The following SLC24A4 variants were observed in gnomAD, a reference collection of about 807,000 sequenced individuals.
SLC24A4 encodes solute carrier family 24 member 4, also known as sodium/potassium/calcium exchanger 4.
A neutral mutation model predicts 79.0 loss-of-function variants in SLC24A4; 53 were observed. The ratio of observed to expected loss-of-function variants is 0.67; its 90% confidence interval spans 0.54 to 0.84. The LOEUF is 0.84. SLC24A4 is among the 40% of genes least tolerant of loss of function. The probability of loss-of-function intolerance (pLI) is 0.00; values close to 1 mark genes in which losing one functional copy is unlikely to be tolerated. For synonymous variants in SLC24A4, 323 were observed against 323.8 expected (o/e 1.00, Z 0.03); for missense variants, 731 against 822.0 (o/e 0.89, Z 1.35).
intron 2 of SLC24A4, among the ~76,000 whole-genome samples, chr14:92,372,288 C>T (rs1888213303): frequency 6.6e-6 from 1 of 152,148 alleles, no homozygotes; most frequent in South Asian, 2.1e-4. Context: ...ACTCATCTTC[C>T]ACGCCACCTC....
chr14:92,460,883 G>A (rs1442984929), intron 12 of SLC24A4, among the ~76,000 whole-genome samples: 2 of 152,186 alleles, frequency 1.3e-5, no homozygotes, highest in Non-Finnish European at 2.9e-5. Context: ...ACCCAGCTTC[G>A]GTGCCCACCT....
intron 8 of SLC24A4, 122 bp from the exon 9 acceptor site, chr14:92,447,249 C>G: frequency 1.2e-6 from 1 of 813,432 alleles, no homozygotes; most frequent in Non-Finnish European, 2.0e-6. Flanking sequence ...GGTTCTGGGC[C>G]CGGCACTAGG....
At position 92,498,191 on chromosome 14, in the gene SLC24A4, G is replaced by A. The variant is rs979369471; in HGVS notation, c.*4563G>A. On this transcript the variant is annotated 3_prime_UTR_variant, in exon 17 of 17. Coordinates refer to ENST00000532405, the MANE Select transcript of SLC24A4 (RefSeq NM_153646.4). ...CTCTCTTTATGTGTGTGCACCCGAA[G>A]GATTTCCTGGTCTCTGTAGCTGATC... The A allele has an allele frequency of 6.6e-6, 1 of 152,264 alleles. No homozygotes were observed. The highest frequency in any genetic ancestry group is 1.5e-5 in the Non-Finnish European group (1 of 68,090). The allele number at this position is 152,264 out of a possible 1,614,324, so 9.4% of individuals were successfully genotyped here.
At chr14:92,370,556 A>G (rs368442488) in intron 2 of SLC24A4, among the ~76,000 whole-genome samples, 4 of 152,012 alleles carry the variant, frequency 2.6e-5, no homozygotes. Context: ...ATATGTATAT[A>G]AATTAAACAT....
At chr14:92,385,984 C>G (rs962300267) in intron 2 of SLC24A4, among the ~76,000 whole-genome samples, 1 of 152,028 alleles carries the variant, frequency 6.6e-6, no homozygotes, top group Non-Finnish European at 1.5e-5. Flanking sequence ...ATGGATGGCT[C>G]GATCGCAGGT....
chr14:92,417,377 CAT>C (rs367678435), intron 2 of SLC24A4, among the ~76,000 whole-genome samples: 149 of 152,150 alleles, frequency 9.8e-4, no homozygotes, highest in African/African-American at 3.3e-3. Flanking sequence ...AGAATAAGAA[CAT>C]AAAATATTTT....
At chr14:92,361,004 G>A (rs1226125569) in intron 2 of SLC24A4, among the ~76,000 whole-genome samples, 1 of 152,180 alleles carries the variant, frequency 6.6e-6, no homozygotes, top group Admixed American at 6.5e-5. Flanking sequence ...AAATGAAAGG[G>A]AACAGTTTAA....
chr14:92,441,194 G>A lies in SLC24A4; in HGVS notation c.394-895G>A, dbSNP rs925485455. ...AGGGATACTTTGGGAGTTGGGGCTG[G>A]TGGAGGTGAGCCCTGTCCTGAGAGG... On this transcript the variant is annotated intron_variant, in intron 4 of 16. Transcript: ENST00000532405. This position sits in a 1 kb window ranked among gnomAD's most constrained non-coding sequence, Gnocchi z 4.6. Among the ~76,000 whole-genome samples the A allele has an allele frequency of 1.3e-5, 2 of 152,192 alleles. No homozygotes were observed. Among genetic ancestry groups the A allele is most frequent in the Admixed American group, 6.5e-5 (1 of 15,286 alleles).
intron 2 of SLC24A4, among the ~76,000 whole-genome samples, chr14:92,365,963 G>A (rs547515704): frequency 8.7e-4 from 133 of 152,318 alleles, no homozygotes; most frequent in African/African-American, 3.0e-3. Flanking sequence ...GGTGATGAGA[G>A]CAATATCTTA....
chr14:92,324,516 A>G (rs1322695359), intron 1 of SLC24A4, among the ~76,000 whole-genome samples: 1 of 152,184 alleles, frequency 6.6e-6, no homozygotes, highest in Non-Finnish European at 1.5e-5. Flanking sequence ...CCACGGAGGG[A>G]GAAGGCGGGT....
At position 92,494,817 on chromosome 14, in the gene SLC24A4, C is replaced by T. The variant is rs372808292; in HGVS notation, c.*1189C>T. Reference sequence around the variant, plus strand: ...CTTCTGGAACCACGTAGTTTCTACACGTGGCAGGCCAAGAATGGGAGGCTG... The same window carrying T: ...CTTCTGGAACCACGTAGTTTCTACATGTGGCAGGCCAAGAATGGGAGGCTG... On this transcript the variant is annotated 3_prime_UTR_variant, in exon 17 of 17. Coordinates refer to ENST00000532405, the MANE Select transcript of SLC24A4 (RefSeq NM_153646.4). This position sits in a 1 kb window ranked among gnomAD's most constrained non-coding sequence, Gnocchi z 4.6. 6.6e-6 allele frequency: 1 copy of T among 152,544 alleles called. No individual in the cohort carries two copies. The highest frequency in any genetic ancestry group is 2.4e-5 in the African/African-American group (1 of 41,410). The allele number at this position is 152,544 out of a possible 1,614,324, so 9.4% of individuals were successfully genotyped here. A position where few individuals can be genotyped will look rare whatever the true frequency, so the allele number is the denominator to read the frequency against.
chr14:92,374,175 G>A (rs1288153859), intron 2 of SLC24A4, among the ~76,000 whole-genome samples: 1 of 152,168 alleles, frequency 6.6e-6, no homozygotes, highest in Non-Finnish European at 1.5e-5. Context: ...TGGTTCTGGG[G>A]ACCATTAGGA....
At chr14:92,402,916 C>T (rs746154601) in intron 2 of SLC24A4, among the ~76,000 whole-genome samples, 218 of 152,264 alleles carry the variant, frequency 1.4e-3, no homozygotes, top group Non-Finnish European at 2.4e-3. Flanking sequence ...AGCAGAGAAA[C>T]CCTGAAATCT....
At chr14:92,473,850 GA>G (rs1215137261) in intron 12 of SLC24A4, among the ~76,000 whole-genome samples, 1 of 152,184 alleles carries the variant, frequency 6.6e-6, no homozygotes, top group African/African-American at 2.4e-5. Flanking sequence ...AGTCTGATTA[GA>G]ACTATCCTTG....
Position 92,441,046 on chromosome 14 carries a change from G to A in SLC24A4, c.394-1043G>A, listed in dbSNP as rs1368533509. 6.6e-6 allele frequency among the ~76,000 whole-genome samples: 1 copy of A among 152,072 alleles called. No individual in the cohort carries two copies. The highest frequency in any genetic ancestry group is 2.4e-5 in the African/African-American group (1 of 41,390). Reference sequence around the variant, plus strand: ...GTTAAGGTGGCCGGCTTCTGCCCTGGAGATCGATGCTGTGCCCCCACCCCA... The same window carrying A: ...GTTAAGGTGGCCGGCTTCTGCCCTGAAGATCGATGCTGTGCCCCCACCCCA... On this transcript the variant is annotated intron_variant, in intron 4 of 16. Transcript: ENST00000532405. This position sits in a 1 kb window ranked among gnomAD's most constrained non-coding sequence, Gnocchi z 4.6.
At chr14:92,377,509 T>C (rs776085750) in intron 2 of SLC24A4, among the ~76,000 whole-genome samples, 32 of 151,288 alleles carry the variant, frequency 2.1e-4, no homozygotes, top group Non-Finnish European at 4.4e-4. Flanking sequence ...AGGAGAGAGG[T>C]GGGAAGGGTT....
At chr14:92,432,644 A>G (rs1376839430) in intron 2 of SLC24A4, among the ~76,000 whole-genome samples, 1 of 152,226 alleles carries the variant, frequency 6.6e-6, no homozygotes, top group Admixed American at 6.5e-5. Context: ...TTTGATTACA[A>G]AAAAAGAGAG....
rs1352786245 is a variant in SLC24A4 at position 92,490,605 on chromosome 14, G to C, written c.1538-1060G>C. Among the ~76,000 whole-genome samples, 2 of 152,210 alleles carry C rather than the reference G, an allele frequency of 1.3e-5. No homozygotes were observed. The highest frequency in any genetic ancestry group is 1.3e-4 in the Admixed American group (2 of 15,280). ...TGGTAAAAAGGATGCTGTACCAGGG[G>C]ACCTTGGGCCGCCTGCAAACTGTGC... On this transcript the variant is annotated intron_variant, in intron 14 of 16. Coordinates refer to ENST00000532405, the MANE Select transcript of SLC24A4 (RefSeq NM_153646.4). This position sits in a 1 kb window ranked among gnomAD's most constrained non-coding sequence, Gnocchi z 4.3.
intron 13 of SLC24A4, chr14:92,484,573 TA>T (rs1004999137): frequency 1.0e-6 from 1 of 985,416 alleles, no homozygotes; most frequent in African/African-American, 1.7e-5. Context: ...ACAAGTCATG[TA>T]ACTCAGGAGA....
Sources: gnomAD v4.1 joint callset for allele counts (sites outside exome capture counted in the v4.1 genomes callset) on GRCh38, gnomAD v4.1.1 for gene constraint, Gnocchi (gnomAD v3.1) non-coding constraint, MANE v1.5 for transcripts, NCBI Gene and HGNC (gene_info 2026-07-23, HGNC 2026-07-21) for gene names.